POU6F2: variants seen among roughly 807,000 people sequenced by gnomAD.
The protein encoded by POU6F2 is POU class 6 homeobox 2, also known as POU domain, class 6, transcription factor 2.
Under a neutral mutation model 71.3 loss-of-function variants are expected in POU6F2, and 31 were observed. The observed-to-expected ratio is 0.43, with a 90% CI of 0.33 to 0.59. POU6F2 has a LOEUF of 0.59. POU6F2 is among the 20% of genes least tolerant of loss of function. The pLI, the probability that POU6F2 is intolerant of heterozygous loss-of-function variation, is 0.04. For synonymous variants in POU6F2, 347 were observed against 355.7 expected (o/e 0.98, Z 0.27); for missense variants, 783 against 856.8 (o/e 0.91, Z 1.07).
At chr7:39,302,037 C>T (rs868466842) in intron 4 of POU6F2, among the ~76,000 whole-genome samples, 3 of 152,132 alleles carry the variant, frequency 2.0e-5, no homozygotes, top group East Asian at 3.8e-4. Context: ...AGTTACAACC[C>T]GCTTATTTAA....
chr7:39,233,817 C>T lies in POU6F2; in HGVS notation c.598+26197C>T, dbSNP rs140876343. Among the ~76,000 whole-genome samples the T allele has an allele frequency of 7.4e-3, 1,120 of 152,242 alleles. 10 individuals carry two copies. The highest frequency in any genetic ancestry group is 0.023 in the African/African-American group (972 of 41,540). ...AGAGTCTTTCAGAAAGTGTAAAACC[C>T]GGTCACTTTAATTATATCAATCCAT... On this transcript the variant is annotated intron_variant, in intron 4 of 9. Transcript: ENST00000518318.
intron 4 of POU6F2, among the ~76,000 whole-genome samples, chr7:39,276,592 C>T (rs1784444111): frequency 6.6e-6 from 1 of 151,304 alleles, no homozygotes; most frequent in South Asian, 2.1e-4. Context: ...GCTATAAAGA[C>T]ACATGCACAC....
chr7:39,030,512 A>ATG (rs1789913438), intron 1 of POU6F2, among the ~76,000 whole-genome samples: 1 of 97,578 alleles, frequency 1.0e-5, no homozygotes, highest in Non-Finnish European at 2.0e-5. Context: ...ATATATATAT[A>ATG]TATATATATA....
chr7:39,282,476 G>A (rs1784578367), intron 4 of POU6F2, among the ~76,000 whole-genome samples: 2 of 152,000 alleles, frequency 1.3e-5, no homozygotes, highest in Admixed American at 1.3e-4. Context: ...GAGAGATGGG[G>A]GTCTAGTTTC....
intron 5 of POU6F2, among the ~76,000 whole-genome samples, chr7:39,377,199 C>T (rs1583560353): frequency 1.3e-5 from 2 of 150,752 alleles, no homozygotes; most frequent in South Asian, 4.2e-4. Flanking sequence ...GGTGTGATCT[C>T]GGCTCACTGC....
intron 5 of POU6F2, among the ~76,000 whole-genome samples, chr7:39,366,595 C>T (rs1285321280): frequency 1.3e-5 from 2 of 152,176 alleles, no homozygotes; most frequent in Non-Finnish European, 2.9e-5. Flanking sequence ...CCCTCCTACC[C>T]AGGCCCAGAG....
chr7:39,012,049 C>T (rs985518687), intron 1 of POU6F2, among the ~76,000 whole-genome samples: 5 of 151,868 alleles, frequency 3.3e-5, no homozygotes, highest in East Asian at 3.9e-4. Context: ...TCTCTGTATT[C>T]CCTGAATCTG....
At chr7:39,196,652 A>G (rs1027437824) in intron 2 of POU6F2, among the ~76,000 whole-genome samples, 38 of 152,152 alleles carry the variant, frequency 2.5e-4, no homozygotes, top group African/African-American at 8.9e-4. Flanking sequence ...CCAGCTACTC[A>G]GGAGGCTGAG....
chr7:39,168,766 C>T (rs1460371833), intron 2 of POU6F2, among the ~76,000 whole-genome samples: 1 of 152,156 alleles, frequency 6.6e-6, no homozygotes, highest in East Asian at 1.9e-4. Flanking sequence ...AAAGAAAAAC[C>T]TGATGTGTCT....
rs564793245 is a variant in POU6F2, at chr7:39,141,892, C to G, written c.277+55861C>G. 6.6e-5 allele frequency among the ~76,000 whole-genome samples: 10 copies of G among 152,168 alleles called. No individual in the cohort carries two copies. The East Asian group carries it at 1.7e-3, about 27-fold the overall frequency. The stretch of plus-strand genomic sequence containing the variant: ...CACGAGGTCAGGAGATCAAGACCAG[C>G]CTGGCCAATATGGTGAAACTCCATC... On this transcript the variant is annotated intron_variant, in intron 2 of 9. Coordinates refer to ENST00000518318, the MANE Select transcript of POU6F2 (RefSeq NM_001370959.1).
At chr7:39,175,688 C>G (rs941733855) in intron 2 of POU6F2, among the ~76,000 whole-genome samples, 5 of 152,178 alleles carry the variant, frequency 3.3e-5, no homozygotes, top group Non-Finnish European at 7.4e-5. Context: ...AAGGGGCCCA[C>G]AAAGGCCAGT....
intron 5 of POU6F2, among the ~76,000 whole-genome samples, chr7:39,355,385 G>A (rs1321429171): frequency 6.6e-6 from 1 of 152,156 alleles, no homozygotes; most frequent in South Asian, 2.1e-4. Flanking sequence ...ATAGTTACAT[G>A]TTGAGAGATA....
intron 1 of POU6F2, among the ~76,000 whole-genome samples, chr7:39,033,275 G>A (rs907960550): frequency 6.6e-6 from 1 of 152,190 alleles, no homozygotes; most frequent in Non-Finnish European, 1.5e-5. Flanking sequence ...ATATATGTGC[G>A]TTGGGCTATA....
chr7:39,208,814 G>A (rs1253119922), intron 4 of POU6F2, among the ~76,000 whole-genome samples: 1 of 152,146 alleles, frequency 6.6e-6, no homozygotes, highest in African/African-American at 2.4e-5. Flanking sequence ...TCAAGATTAA[G>A]CAAATAAAGC....
chr7:39,057,339 G>A lies in POU6F2; in HGVS notation c.106-28521G>A, dbSNP rs1790551838. Reference sequence around the variant, plus strand: ...TCTCTCTAAAATTTGAAAAGAAAAAGTGGTAGATCATCATTTTTTTCTGTT... The same window carrying A: ...TCTCTCTAAAATTTGAAAAGAAAAAATGGTAGATCATCATTTTTTTCTGTT... On this transcript the variant is annotated intron_variant, in intron 1 of 9. Transcript: ENST00000518318. 2.6e-5 allele frequency among the ~76,000 whole-genome samples: 4 copies of A among 152,148 alleles called. No individual in the cohort carries two copies. The South Asian group carries it at 8.3e-4, about 32-fold the overall frequency.
intron 5 of POU6F2, among the ~76,000 whole-genome samples, chr7:39,396,977 C>T (rs1787186491): frequency 6.6e-6 from 1 of 152,016 alleles, no homozygotes; most frequent in African/African-American, 2.4e-5. Context: ...ATTAAGCCCT[C>T]AGCCCAGCCC....
chr7:39,097,150 A>G (rs2128722896), intron 2 of POU6F2, among the ~76,000 whole-genome samples: 1 of 152,288 alleles, frequency 6.6e-6, no homozygotes, highest in East Asian at 1.9e-4. Flanking sequence ...TTCTTAGTAT[A>G]TATGCCCTTT....
chr7:39,302,882 C>A lies in POU6F2; in HGVS notation c.599-36760C>A, dbSNP rs1784976053. ...ACCTAGATATGAGGTCTAATCCAGT[C>A]CAGTGGTTGTCAAATTTGAATGTGC... On this transcript the variant is annotated intron_variant, in intron 4 of 9. Transcript: ENST00000518318. 2.0e-5 allele frequency among the ~76,000 whole-genome samples: 3 copies of A among 152,296 alleles called. No homozygotes were observed. In the South Asian group the frequency reaches 6.2e-4, roughly 32 times the overall value.
chr7:39,016,702 A>T (rs745571723), intron 1 of POU6F2, among the ~76,000 whole-genome samples: 2 of 152,198 alleles, frequency 1.3e-5, no homozygotes, highest in Non-Finnish European at 2.9e-5. Context: ...CCTATCAGGG[A>T]AATCATCAGT....
Sources: gnomAD v4.1 joint callset for allele counts (sites outside exome capture counted in the v4.1 genomes callset) on GRCh38, gnomAD v4.1.1 for gene constraint, MANE v1.5 for transcripts, NCBI Gene and HGNC (gene_info 2026-07-23, HGNC 2026-07-21) for gene names.